The following RTN2 variants were observed in gnomAD, a reference collection of about 807,000 sequenced individuals.
RTN2 encodes the protein reticulon-2.
In RTN2, 36 loss-of-function variants were observed where a neutral mutation model predicts 63.7. That is an observed-to-expected ratio of 0.56 (90% CI 0.43 to 0.75). The LOEUF is 0.75. Among genes scored for constraint, RTN2 ranks in the 30% least tolerant of loss-of-function variants. RTN2 has a pLI of 0.00. For synonymous variants in RTN2, 312 were observed against 313.0 expected (o/e 1.00, Z 0.03); for missense variants, 673 against 705.1 (o/e 0.95, Z 0.52).
rs1555797402 is a variant in RTN2 at position 45,488,478 on chromosome 19, T to G, written c.1490A>C (p.Gln497Pro). 5.6e-6 allele frequency: 9 copies of G among 1,613,872 alleles called. No individual in the cohort carries two copies. Among genetic ancestry groups the G allele is most frequent in the Non-Finnish European group, 7.6e-6 (9 of 1,179,898 alleles). ...GLFTIPLLYR[Q>P]HQAQIDQYVG... Reference sequence around the variant, plus strand: ...TGAGGGTGTCACACTCACCTGGTGCTGCCGGTACAGCAGGGGGATGGTGAA... The same window carrying G: ...TGAGGGTGTCACACTCACCTGGTGCGGCCGGTACAGCAGGGGGATGGTGAA... The change falls in exon 9 of 11, where the codon CAG (glutamine) becomes CCG (proline). Residue 497 changes from glutamine (Q) to proline (P), a missense_variant. By Grantham distance (76) the Gln-to-Pro change is moderately conservative. Transcript: ENST00000245923.
intron 5 of RTN2, among the ~76,000 whole-genome samples, 182 bp downstream of exon 5, chr19:45,492,978 A>T (rs1255940384): frequency 2.0e-5 from 3 of 152,186 alleles, no homozygotes; most frequent in Admixed American, 2.0e-4. Context: ...GGCTCGAAGG[A>T]GAAGGGACCC....
chr19:45,493,327 G>A lies in RTN2; in HGVS notation c.866C>T (p.Thr289Met), dbSNP rs1310003513. The part of the protein sequence containing the change: ...KTSLLLAVYK[T>M]VPILELSPPL... ...TGGGGACAATTCCAAAATTGGAACC[G>A]TCTTGTAAACAGCCAAAAGCAATGA... The change falls in exon 5 of 11, where the codon ACG (threonine) becomes ATG (methionine). Residue 289 changes from threonine (T) to methionine (M), a missense_variant. Transcript: ENST00000245923. 1.2e-6 allele frequency: 2 copies of A among 1,611,026 alleles called. No homozygotes were observed. The highest frequency in any genetic ancestry group is 1.3e-5 in the African/African-American group (1 of 74,610).
At chr19:45,492,986 C>A (rs1968192719) in intron 5 of RTN2, among the ~76,000 whole-genome samples, 174 bp downstream of exon 5, 1 of 152,230 alleles carries the variant, frequency 6.6e-6, no homozygotes, top group Admixed American at 6.5e-5. Context: ...GGAGAAGGGA[C>A]CCCATGCTCC....
At chr19:45,491,143 G>A (rs1968149663) in intron 5 of RTN2, among the ~76,000 whole-genome samples, 1 of 151,482 alleles carries the variant, frequency 6.6e-6, no homozygotes, top group African/African-American at 2.4e-5. Flanking sequence ...ACCCACCTTG[G>A]CCTCCAAAAG....
At position 45,493,282 on chromosome 19, in the gene RTN2, C is replaced by A. The variant is rs1172308098; in HGVS notation, c.911G>T (p.Gly304Val). ...GGGGGTGGGGCCCCTTTGGACCCAG[C>A]CAATGGCTGTCCACAGAGGTGGGGA... ...ELSPPLWTAI[G>V]WVQRGPTPPT... The change falls in exon 5 of 11, where the codon GGC becomes GTC. Residue 304 changes from glycine to valine, a missense_variant. Transcript: ENST00000245923. 1.9e-6 allele frequency: 3 copies of A among 1,612,556 alleles called. No homozygotes were observed. The African/African-American group carries it at 4.0e-5, about 22-fold the overall frequency.
chr19:45,488,532 A>G lies in RTN2; in HGVS notation c.1451-15T>C. 4 of 1,614,018 alleles carry G rather than the reference A, an allele frequency of 2.5e-6. No homozygotes were observed. The highest frequency in any genetic ancestry group is 3.4e-6 in the Non-Finnish European group (4 of 1,179,964). ...ACCAATCACTCCTGTGGGTACAGAG[A>G]TGGGGGCGTCAGGGTGTTCCCAAGA... On this transcript the variant is annotated splice_polypyrimidine_tract_variant and intron_variant, in intron 8 of 10. Coordinates refer to ENST00000245923, the MANE Select transcript of RTN2 (RefSeq NM_005619.5).
intron 1 of RTN2, among the ~76,000 whole-genome samples, chr19:45,495,761 T>C (rs2122230451): frequency 6.6e-6 from 1 of 152,150 alleles, no homozygotes; most frequent in South Asian, 2.1e-4. Flanking sequence ...TCTGAGGAAC[T>C]GAGAGGTGCG....
At chr19:45,489,675 C>CA in intron 5 of RTN2, 122 bp from the exon 6 acceptor site, 1 of 554,852 alleles carries the variant, frequency 1.8e-6, no homozygotes, top group Non-Finnish European at 3.0e-6. Flanking sequence ...AACCTGATTT[C>CA]CTTTTTTTTT....
In RTN2 at chr19:45,489,172, T is replaced by G. The variant is rs114093153; in HGVS notation, c.1241+174A>C. 3.6e-3 allele frequency: 3,158 copies of G among 865,382 alleles called. 59 individuals carry two copies. In the African/African-American group the frequency reaches 0.048, roughly 13 times the overall value. The allele number at this position is 865,382 out of a possible 1,614,324, so 53.6% of individuals were successfully genotyped here. A position where few individuals can be genotyped will look rare whatever the true frequency, so the allele number is the denominator to read the frequency against. Reference sequence around the variant, plus strand: ...CAGGGTCAGGGGAAGGGATCGAGGATGAAGGGTACCAGGTTAGGATCAGAG... The same window carrying G: ...CAGGGTCAGGGGAAGGGATCGAGGAGGAAGGGTACCAGGTTAGGATCAGAG... On this transcript the variant is annotated intron_variant, in intron 6 of 10. Coordinates refer to ENST00000245923, the MANE Select transcript of RTN2 (RefSeq NM_005619.5).
intron 5 of RTN2, among the ~76,000 whole-genome samples, chr19:45,492,325 G>A (rs536840225): frequency 2.6e-5 from 4 of 152,110 alleles, no homozygotes; most frequent in South Asian, 2.1e-4. Flanking sequence ...AGGCCGAGGC[G>A]GGAGGATCAC....
In RTN2 at chr19:45,491,113, C is replaced by T. The variant is rs151250970; in HGVS notation, c.1034-1560G>A. On this transcript the variant is annotated intron_variant, in intron 5 of 10. Coordinates refer to ENST00000245923, the MANE Select transcript of RTN2 (RefSeq NM_005619.5). ...CCGTGTTAGCCAGGATGGTCTTGATCTCCTGACCTCAGGTGATCCACCCAC... is the reference window on the plus strand; with the variant it reads ...CCGTGTTAGCCAGGATGGTCTTGATTTCCTGACCTCAGGTGATCCACCCAC... 5.2e-3 allele frequency among the ~76,000 whole-genome samples: 794 copies of T among 151,806 alleles called. 4 individuals are homozygous for T. Among genetic ancestry groups the T allele is most frequent in the African/African-American group, 0.018 (739 of 41,402 alleles).
chr19:45,489,080 GAGA>G (rs2122210923), intron 6 of RTN2, 94 bp from the exon 7 acceptor site: 1 of 1,382,604 alleles, frequency 7.2e-7, no homozygotes, highest in Non-Finnish European at 9.9e-7. Flanking sequence ...TGGCGGTTGG[GAGA>G]AGACCAGAGT....
Position 45,494,222 on chromosome 19 carries a change from C to T in RTN2, c.758G>A (p.Gly253Glu). Residue 253 changes from glycine to glutamate, a missense_variant, in exon 4 of 11, where the codon GGA becomes GAA. Gly to Glu is a moderately conservative substitution (Grantham distance 98). Transcript: ENST00000245923. The surrounding 1 kb of genome is among the most constrained non-coding windows in gnomAD (Gnocchi z 5.3). ...WGPLEREPVR[G>E]QCLDSTDQLE... ...TTGGTCCGTGCTATCGAGGCACTGTCCCCTTACTGGCTCTCGCTCCAGTGG... is the reference window on the plus strand; with the variant it reads ...TTGGTCCGTGCTATCGAGGCACTGTTCCCTTACTGGCTCTCGCTCCAGTGG... 6.2e-7 allele frequency: 1 copy of T among 1,611,028 alleles called. No homozygotes were observed. Among genetic ancestry groups the T allele is most frequent in the African/African-American group, 1.3e-5 (1 of 75,018 alleles).
chr19:45,494,849 C>T lies in RTN2; in HGVS notation c.236G>A (p.Arg79Lys). ...GCGGGGGCGGCGGGCAGTTGAATCC[C>T]TGCGGCCCCCGGAGCCCACTACACC... ...FDGVVGSGGR[R>K]DSTARRPRPQ... The change falls in exon 3 of 11, where the codon AGG (arginine) becomes AAG (lysine). Residue 79 changes from arginine to lysine, a missense_variant. Transcript: ENST00000245923. This position sits in a 1 kb window ranked among gnomAD's most constrained non-coding sequence, Gnocchi z 5.3. 1.9e-6 allele frequency: 3 copies of T among 1,604,740 alleles called. No homozygotes were observed. The highest frequency in any genetic ancestry group is 2.5e-6 in the Non-Finnish European group (3 of 1,179,830).
intron 4 of RTN2, chr19:45,493,766 C>T: frequency 3.8e-6 from 1 of 265,916 alleles, no homozygotes; most frequent in Non-Finnish European, 7.1e-6. Context: ...TTTTTTGAGA[C>T]GGAGTCTCGC....
In RTN2 at chr19:45,494,836, G is replaced by A; in HGVS notation, c.249C>T (p.Ala83=). The A allele has an allele frequency of 6.2e-7, 1 of 1,603,876 alleles. No individual in the cohort carries two copies. The highest frequency in any genetic ancestry group is 1.3e-5 in the African/African-American group (1 of 75,032). ...VGSGGRRDST[A]RRPRPQGRSV... Reference sequence around the variant, plus strand: ...AGCGGCCCTGGGGGCGGGGGCGGCGGGCAGTTGAATCCCTGCGGCCCCCGG... The same window carrying A: ...AGCGGCCCTGGGGGCGGGGGCGGCGAGCAGTTGAATCCCTGCGGCCCCCGG... Residue 83 remains alanine (A), a synonymous_variant, in exon 3 of 11, where the codon GCC becomes GCT. Transcript: ENST00000245923. This position sits in a 1 kb window ranked among gnomAD's most constrained non-coding sequence, Gnocchi z 5.3.
chr19:45,496,559 G>T (rs189850228), intron 1 of RTN2: 62 of 366,782 alleles, frequency 1.7e-4, no homozygotes, highest in African/African-American at 1.3e-3. Flanking sequence ...AGCGCAGCGC[G>T]CCCCCCGCCT....
chr19:45,493,498 T>G lies in RTN2; in HGVS notation c.815-120A>C, dbSNP rs1968205911. 1.2e-5 allele frequency: 9 copies of G among 759,956 alleles called. No homozygotes were observed. In the East Asian group the frequency reaches 2.5e-4, roughly 21 times the overall value. The allele number at this position is 759,956 out of a possible 1,614,324, so 47.1% of individuals were successfully genotyped here. ...AAATAGAGATCGAGTCTCCCTATGT[T>G]GCCCAGGCTGGTCTTGCACTCTTGG... is the stretch of plus-strand genomic sequence containing the variant. On this transcript the variant is annotated intron_variant, in intron 4 of 10. Coordinates refer to ENST00000245923, the MANE Select transcript of RTN2 (RefSeq NM_005619.5).
chr19:45,494,211 C>G lies in RTN2; in HGVS notation c.769G>C (p.Asp257His), dbSNP rs771898824. 13 of 1,609,158 alleles carry G rather than the reference C, an allele frequency of 8.1e-6. No individual in the cohort carries two copies. The highest frequency in any genetic ancestry group is 2.2e-5 in the East Asian group (1 of 44,878). The part of the protein sequence containing the change: ...EREPVRGQCL[D>H]STDQLEFTVE... ...GTGAATTCTAATTGGTCCGTGCTAT[C>G]GAGGCACTGTCCCCTTACTGGCTCT... The change falls in exon 4 of 11, where the codon GAT (aspartate) becomes CAT (histidine). Residue 257 changes from aspartate to histidine, a missense_variant. By Grantham distance (81) the Asp-to-His change is moderately conservative. Coordinates refer to ENST00000245923, the MANE Select transcript of RTN2 (RefSeq NM_005619.5). This position sits in a 1 kb window ranked among gnomAD's most constrained non-coding sequence, Gnocchi z 5.3.
Sources: allele counts gnomAD v4.1 joint callset (sites outside exome capture counted in the v4.1 genomes callset), GRCh38; gene constraint gnomAD v4.1.1; non-coding constraint Gnocchi (gnomAD v3.1); transcripts MANE v1.5; gene names NCBI Gene and HGNC (gene_info 2026-07-23, HGNC 2026-07-21).